KIAA0408: variants seen among roughly 807,000 people sequenced by gnomAD.
KIAA0408 encodes uncharacterized protein KIAA0408.
KIAA0408 carries 51 observed loss-of-function variants against 60.9 expected under a neutral mutation model. The observed-to-expected ratio is 0.84, with a 90% CI of 0.67 to 1.06. The LOEUF (loss-of-function observed/expected upper bound fraction) is 1.06. KIAA0408 is among the 50% of genes least tolerant of loss of function. The pLI is 0.00. For synonymous variants in KIAA0408, 304 were observed against 282.4 expected, an observed-to-expected ratio of 1.08 and a Z score of -0.77; for missense variants, 787 against 833.9, an observed-to-expected ratio of 0.94 and a Z score of 0.69.
rs1318139087 is a variant in KIAA0408, at chr6:127,445,261, A to G, written c.1912-979T>C. ...GAACCTCCCTGCCAAACTCCCAATG[A>G]ATGCAAAAAGGGAAATCACTCAGTA... On this transcript the variant is annotated intron_variant, in intron 5 of 5. Coordinates refer to ENST00000483725, the MANE Select transcript of KIAA0408 (RefSeq NM_014702.5). Among the ~76,000 whole-genome samples, 15 of 152,344 alleles carry G rather than the reference A, an allele frequency of 9.8e-5. No individual in the cohort carries two copies. The East Asian group carries it at 2.9e-3, about 29-fold the overall frequency.
intron 1 of KIAA0408, among the ~76,000 whole-genome samples, chr6:127,456,839 T>A (rs918460815): frequency 6.6e-6 from 1 of 151,948 alleles, no homozygotes; most frequent in African/African-American, 2.4e-5. Flanking sequence ...GGAAAAATGC[T>A]TAAAAGAAGT....
At position 127,443,881 on chromosome 6, in the gene KIAA0408, C is replaced by G. The variant is rs1773143130; in HGVS notation, c.*228G>C. On this transcript the variant is annotated 3_prime_UTR_variant, in exon 6 of 6. Transcript: ENST00000483725. ...TATACAATATTGTACATTGTTTCAACTTATATTGTATTGGAAAACTAATGA... is the reference window on the plus strand; with the variant it reads ...TATACAATATTGTACATTGTTTCAAGTTATATTGTATTGGAAAACTAATGA... The G allele has an allele frequency of 4.0e-6, 2 of 500,762 alleles. No individual in the cohort carries two copies. Among genetic ancestry groups the G allele is most frequent in the Non-Finnish European group, 7.1e-6 (2 of 281,478 alleles). 31.0% of individuals were successfully genotyped at this position (500,762 alleles called of 1,614,324 possible).
chr6:127,449,590 T>C (rs1223712781), intron 4 of KIAA0408, among the ~76,000 whole-genome samples: 1 of 152,118 alleles, frequency 6.6e-6, no homozygotes, highest in Non-Finnish European at 1.5e-5. Context: ...AGGCAGAGGC[T>C]GCAGTGAGCC....
At chr6:127,444,306 C>T in intron 5 of KIAA0408, 24 bp from the exon 6 acceptor site, 1 of 1,522,082 alleles carries the variant, frequency 6.6e-7, no homozygotes. Context: ...AAAAACATTC[C>T]TCTCACTCTC....
chr6:127,450,548 A>G, intron 2 of KIAA0408, 196 bp from the exon 3 acceptor site: 2 of 798,226 alleles, frequency 2.5e-6, no homozygotes, highest in Admixed American at 3.6e-5. Context: ...CATAAAGGCT[A>G]CTTTTAGTAG....
chr6:127,455,684 AT>A (rs2114806118), intron 1 of KIAA0408, among the ~76,000 whole-genome samples: 1 of 152,252 alleles, frequency 6.6e-6, no homozygotes, highest in South Asian at 2.1e-4. Flanking sequence ...CACTAGCACT[AT>A]TATGATTAAT....
Position 127,447,446 on chromosome 6 carries a change from T to C in KIAA0408, c.873A>G (p.Glu291=), listed in dbSNP as rs763752535. The C allele has an allele frequency of 1.2e-5, 19 of 1,613,916 alleles. No individual in the cohort carries two copies. The East Asian group carries it at 4.2e-4, about 36-fold the overall frequency. The change falls in exon 5 of 6, where the codon GAA becomes GAG. Residue 291 remains glutamate (E), a synonymous_variant. Coordinates refer to ENST00000483725, the MANE Select transcript of KIAA0408 (RefSeq NM_014702.5). ...DSEQAYERWK[E]RLDHNSWVPH... Reference sequence around the variant, plus strand: ...GCACCCAGCTGTTGTGGTCTAACCTTTCCTTCCATCTTTCATAGGCTTGTT... The same window carrying C: ...GCACCCAGCTGTTGTGGTCTAACCTCTCCTTCCATCTTTCATAGGCTTGTT...
intron 2 of KIAA0408, among the ~76,000 whole-genome samples, chr6:127,452,639 G>T (rs1162559886): frequency 2.0e-5 from 3 of 152,028 alleles, no homozygotes; most frequent in African/African-American, 7.2e-5. Flanking sequence ...TAGTTATTTT[G>T]CTTGGATGCT....
In KIAA0408 at chr6:127,444,254, C is replaced by T; in HGVS notation, c.1940G>A (p.Gly647Glu). ...TCTAGCAGGTCGGGAAAATCCTTTT[C>T]CATGTGAGGCGTTCACTGACATGGA... ...EESMSVNASH[G>E]KGFSRPARPA... The change falls in exon 6 of 6, where the codon GGA becomes GAA. Residue 647 changes from glycine (G) to glutamate (E), a missense_variant. Around this residue, in one of 3 missense-constraint regions of KIAA0408, gnomAD observed 133 missense variants for 119.2 expected, o/e 1.12. Transcript: ENST00000483725. 1 of 1,602,040 alleles carries T rather than the reference C, an allele frequency of 6.2e-7. No individual in the cohort carries two copies. Among genetic ancestry groups the T allele is most frequent in the Non-Finnish European group, 8.5e-7 (1 of 1,174,888 alleles).
intron 2 of KIAA0408, among the ~76,000 whole-genome samples, chr6:127,452,544 A>T (rs952834786): frequency 6.6e-6 from 1 of 152,170 alleles, no homozygotes; most frequent in Non-Finnish European, 1.5e-5. Flanking sequence ...CAGAATAATT[A>T]TTGGACAGTA....
Position 127,447,252 on chromosome 6 carries a change from A to G in KIAA0408, c.1067T>C (p.Val356Ala). ...IDSKPPSNEDVGLSMWSCDIG... is the reference protein window; with the variant it reads ...IDSKPPSNEDAGLSMWSCDIG... Reference sequence around the variant, plus strand: ...GTCACATGACCACATGCTAAGTCCAACATCTTCATTACTTGGAGGCTTGCT... The same window carrying G: ...GTCACATGACCACATGCTAAGTCCAGCATCTTCATTACTTGGAGGCTTGCT... The change falls in exon 5 of 6, where the codon GTT (valine) becomes GCT (alanine). Residue 356 changes from valine to alanine, a missense_variant. Val to Ala is a moderately conservative substitution (Grantham distance 64, BLOSUM62 0). This residue lies in a region of KIAA0408 where 640 missense variants were observed against 681.3 expected (regional missense o/e 0.94). Transcript: ENST00000483725. 3 of 1,613,920 alleles carry G rather than the reference A, an allele frequency of 1.9e-6. No homozygotes were observed. Among genetic ancestry groups the G allele is most frequent in the Non-Finnish European group, 2.5e-6 (3 of 1,179,940 alleles).
Position 127,450,100 on chromosome 6 carries a change from C to A in KIAA0408, c.388G>T (p.Val130Leu), listed in dbSNP as rs748479378. Residue 130 changes from valine to leucine, a missense_variant, in exon 3 of 6, where the codon GTA becomes TTA. By Grantham distance (32) the Val-to-Leu change is conservative (BLOSUM62 1). Around this residue, in one of 3 missense-constraint regions of KIAA0408, gnomAD observed 640 missense variants for 681.3 expected, o/e 0.94. Coordinates refer to ENST00000483725, the MANE Select transcript of KIAA0408 (RefSeq NM_014702.5). ...GTAGCCAAAGGATCCAAAAACCCTA[C>A]TTTTGATTTTTTTGTTGCTTTTTGT... ...KEQKATKKSK[V>L]GFLDPLATDN... The A allele has an allele frequency of 2.0e-5, 32 of 1,614,002 alleles. No individual in the cohort carries two copies. The highest frequency in any genetic ancestry group is 8.0e-5 in the African/African-American group (6 of 74,928).
In KIAA0408 at chr6:127,446,933, A is replaced by AT. The variant is rs764723520; in HGVS notation, c.1385dup (p.Asn462LysfsTer15). 6.2e-7 allele frequency: 1 copy of AT among 1,613,978 alleles called. No individual in the cohort carries two copies. Among genetic ancestry groups the AT allele is most frequent in the Non-Finnish European group, 8.5e-7 (1 of 1,179,972 alleles). ...CCTCCGATGATTTTGAGCAGCTGTGATTTTGCTGTATTGCCTGACAATTTC... is the reference window on the plus strand; with the variant it reads ...CCTCCGATGATTTTGAGCAGCTGTGATTTTTGCTGTATTGCCTGACAATTTC... On this transcript the variant is annotated frameshift_variant, in exon 5 of 6. Transcript: ENST00000483725. LOFTEE classifies it high-confidence loss of function.
intron 1 of KIAA0408, among the ~76,000 whole-genome samples, chr6:127,458,909 CA>C (rs1773440813): frequency 6.6e-6 from 1 of 152,138 alleles, no homozygotes; most frequent in Non-Finnish European, 1.5e-5. Context: ...GTTGGAAAAA[CA>C]GTCTCAAAGA....
chr6:127,453,914 T>C lies in KIAA0408; in HGVS notation c.68A>G (p.Asp23Gly), dbSNP rs1027125446. The C allele has an allele frequency of 5.6e-6, 9 of 1,612,932 alleles. No homozygotes were observed. Among genetic ancestry groups the C allele is most frequent in the Non-Finnish European group, 7.6e-6 (9 of 1,179,268 alleles). Residue 23 changes from aspartate to glycine, a missense_variant, in exon 2 of 6, where the codon GAC (aspartate) becomes GGC (glycine). Coordinates refer to ENST00000483725, the MANE Select transcript of KIAA0408 (RefSeq NM_014702.5). Reference sequence around the variant, plus strand: ...TTCCTTTCTTTCATTGTCAAACTGGTCCAGTAATTCCATCTTTTCCTTATG... The same window carrying C: ...TTCCTTTCTTTCATTGTCAAACTGGCCCAGTAATTCCATCTTTTCCTTATG... ...NWHKEKMELL[D>G]QFDNERKEWE...
chr6:127,449,459 G>A (rs1243905056), intron 4 of KIAA0408, among the ~76,000 whole-genome samples: 2 of 152,086 alleles, frequency 1.3e-5, no homozygotes, highest in African/African-American at 2.4e-5. Context: ...AGACCATGCT[G>A]GCCAACATGG....
In KIAA0408 at chr6:127,442,796, A is replaced by G. The variant is rs1773126719; in HGVS notation, c.*1313T>C. 6.6e-6 allele frequency: 1 copy of G among 152,178 alleles called. No individual in the cohort carries two copies. Among genetic ancestry groups the G allele is most frequent in the Non-Finnish European group, 1.5e-5 (1 of 68,034 alleles). The allele number at this position is 152,178 out of a possible 1,614,324, so 9.4% of individuals were successfully genotyped here. On this transcript the variant is annotated 3_prime_UTR_variant, in exon 6 of 6. Coordinates refer to ENST00000483725, the MANE Select transcript of KIAA0408 (RefSeq NM_014702.5). ...GAGTTAATATCTAATAACATAACAT[A>G]ATTGGTTTTATATAGTGACAGTAGA... is the stretch of plus-strand genomic sequence containing the variant.
At chr6:127,448,670 T>G (rs1249939793) in intron 4 of KIAA0408, among the ~76,000 whole-genome samples, 1 of 152,156 alleles carries the variant, frequency 6.6e-6, no homozygotes, top group Non-Finnish European at 1.5e-5. Flanking sequence ...TACAATAAAA[T>G]GTGGATAAAT....
intron 1 of KIAA0408, among the ~76,000 whole-genome samples, chr6:127,455,517 G>A (rs980282258): frequency 3.9e-5 from 6 of 152,006 alleles, no homozygotes; most frequent in African/African-American, 1.5e-4. Context: ...TTTGAGTCAC[G>A]ATCAATGAAT....
Sources: allele counts gnomAD v4.1 joint callset (sites outside exome capture counted in the v4.1 genomes callset), GRCh38; gene constraint gnomAD v4.1.1; regional missense constraint gnomAD v4.1.1; transcripts MANE v1.5; gene names NCBI Gene and HGNC (gene_info 2026-07-23, HGNC 2026-07-21).